YBX1: variants seen among roughly 807,000 people sequenced by gnomAD.
The protein encoded by YBX1 is Y-box binding protein 1, also known as Y-box-binding protein 1.
A neutral mutation model predicts 41.4 loss-of-function variants in YBX1; 3 were observed. The observed-to-expected ratio is 0.07, with a 90% confidence interval of 0.03 to 0.19. The LOEUF (loss-of-function observed/expected upper bound fraction) is 0.19, where lower values mean the gene tolerates loss of function less well. Ranked by LOEUF, YBX1 falls within the 10% of genes least tolerant of loss-of-function variation. The probability of loss-of-function intolerance (pLI) is 1.00; values close to 1 mark genes in which losing one functional copy is unlikely to be tolerated. For synonymous variants in YBX1, 133 were observed against 165.8 expected (o/e 0.80, Z 1.52); for missense variants, 274 against 462.8 (o/e 0.59, Z 3.74).
Position 42,696,624 on chromosome 1 carries a change from A to G in YBX1, c.355-18A>G, listed in dbSNP as rs1650466920. 1 of 1,491,096 alleles carries G rather than the reference A, an allele frequency of 6.7e-7. No homozygotes were observed. The highest frequency in any genetic ancestry group is 2.2e-5 in the Admixed American group (1 of 45,566). The allele number at this position is 1,491,096 out of a possible 1,614,324, so 92.4% of individuals were successfully genotyped here. A position where few individuals can be genotyped will look rare whatever the true frequency, so the allele number is the denominator to read the frequency against. Reference sequence around the variant, plus strand: ...TCTGATTTCCTTTGTCACTATCAATATGTAATGGCTTTTGTAGGGTGCGGA... The same window carrying G: ...TCTGATTTCCTTTGTCACTATCAATGTGTAATGGCTTTTGTAGGGTGCGGA... On this transcript the variant is annotated intron_variant, in intron 4 of 7. Transcript: ENST00000321358. This position sits in a 1 kb window ranked among gnomAD's most constrained non-coding sequence, Gnocchi z 5.7.
intron 1 of YBX1, chr1:42,683,148 C>T (rs12760030): frequency 3.9e-5 from 25 of 640,754 alleles, no homozygotes; most frequent in Non-Finnish European, 5.4e-5. Flanking sequence ...CTCACGTGCT[C>T]TCCGTCCGCG....
At chr1:42,685,202 A>G (rs1411103957) in intron 2 of YBX1, among the ~76,000 whole-genome samples, 1 of 152,242 alleles carries the variant, frequency 6.6e-6, no homozygotes, top group East Asian at 1.9e-4. Context: ...AGTTTTGTCC[A>G]GAATAAGAGT....
rs16829884 is a variant in YBX1, at chr1:42,698,064, C to T, written c.740+802C>T. ...TCTTAACTGATCACTTAAATCGCAA[C>T]TTTTAAATCCCCAAATTTTTAAGTG... On this transcript the variant is annotated intron_variant, in intron 6 of 7. Coordinates refer to ENST00000321358, the MANE Select transcript of YBX1 (RefSeq NM_004559.5). Among the ~76,000 whole-genome samples the T allele has an allele frequency of 4.0e-3, 610 of 152,266 alleles. 3 individuals carry two copies. The highest frequency in any genetic ancestry group is 0.014 in the African/African-American group (577 of 41,552).
In YBX1 at chr1:42,682,484, C is replaced by T. The variant is rs556721233; in HGVS notation, c.-82C>T. ...CCCAGAGAGCCCTGAGCAGCCCCAC[C>T]GCCGCCGCCGGCCTAGTTACCATCA... is the stretch of plus-strand genomic sequence containing the variant. On this transcript the variant is annotated 5_prime_UTR_variant, in exon 1 of 8. Coordinates refer to ENST00000321358, the MANE Select transcript of YBX1 (RefSeq NM_004559.5). The T allele has an allele frequency of 2.2e-6, 3 of 1,342,752 alleles. No individual in the cohort carries two copies. Among genetic ancestry groups the T allele is most frequent in the East Asian group, 3.2e-5 (1 of 31,202 alleles). The allele number at this position is 1,342,752 out of a possible 1,614,324, so 83.2% of individuals were successfully genotyped here.
rs573655234 is a variant in YBX1, at chr1:42,694,404, C to T, written c.264+881C>T. Reference sequence around the variant, plus strand: ...ATGAGTAGGAAAAAATATGTTTGTGCTATCAGTTTTCTCACTAAGGCTTTT... The same window carrying T: ...ATGAGTAGGAAAAAATATGTTTGTGTTATCAGTTTTCTCACTAAGGCTTTT... On this transcript the variant is annotated intron_variant, in intron 3 of 7. Coordinates refer to ENST00000321358, the MANE Select transcript of YBX1 (RefSeq NM_004559.5). Among the ~76,000 whole-genome samples, 10 of 124,514 alleles carry T rather than the reference C, an allele frequency of 8.0e-5. No individual in the cohort carries two copies. In the East Asian group the frequency reaches 2.2e-3, roughly 27 times the overall value. 81.7% of individuals were successfully genotyped at this position (124,514 alleles called of 152,430 possible). A position where few individuals can be genotyped will look rare whatever the true frequency, so the allele number is the denominator to read the frequency against.
intron 6 of YBX1, 45 bp from the exon 7 acceptor site, chr1:42,700,736 G>A (rs1331046523): frequency 6.5e-7 from 1 of 1,540,262 alleles, no homozygotes; most frequent in South Asian, 1.2e-5. Context: ...GTGTGTTGAA[G>A]AGAGAAGGTT....
intron 2 of YBX1, among the ~76,000 whole-genome samples, chr1:42,685,865 C>G (rs1047199438): frequency 1.1e-4 from 17 of 152,156 alleles, no homozygotes; most frequent in Non-Finnish European, 4.4e-5. Context: ...AGAATTAATT[C>G]ATGAAAGGGC....
Position 42,700,927 on chromosome 1 carries a change from A to G in YBX1, c.887A>G (p.Lys296Arg). ...CGACGCAGACGCCCAGAAAACCCTA[A>G]ACCACAAGATGGCAAAGAGACAAAA... is the stretch of plus-strand genomic sequence containing the variant. ...NYRRRRPENPKPQDGKETKAA... is the reference protein window; with the variant it reads ...NYRRRRPENPRPQDGKETKAA... The change falls in exon 7 of 8, where the codon AAA becomes AGA. Residue 296 changes from lysine (K) to arginine (R), a missense_variant. Lys to Arg is a conservative substitution (Grantham distance 26, BLOSUM62 2). Around this residue, in one of 3 missense-constraint regions of YBX1, gnomAD observed 187 missense variants for 306.3 expected, o/e 0.61. Coordinates refer to ENST00000321358, the MANE Select transcript of YBX1 (RefSeq NM_004559.5). 3.1e-6 allele frequency: 5 copies of G among 1,613,942 alleles called. No individual in the cohort carries two copies. Among genetic ancestry groups the G allele is most frequent in the Non-Finnish European group, 4.2e-6 (5 of 1,179,978 alleles).
At chr1:42,692,750 C>G (rs1198609987) in intron 2 of YBX1, among the ~76,000 whole-genome samples, 1 of 152,230 alleles carries the variant, frequency 6.6e-6, no homozygotes, top group Non-Finnish European at 1.5e-5. Flanking sequence ...AGTGGTGATT[C>G]TTGCTCCTCG....
intron 3 of YBX1, among the ~76,000 whole-genome samples, chr1:42,695,847 A>G (rs146096708): frequency 1.7e-3 from 255 of 152,346 alleles, no homozygotes; most frequent in Middle Eastern, 6.8e-3. Flanking sequence ...ACCTTCTCCT[A>G]TTAAGTGCAG....
intron 2 of YBX1, among the ~76,000 whole-genome samples, chr1:42,688,442 A>G (rs1206901035): frequency 1.5e-5 from 2 of 136,856 alleles, no homozygotes; most frequent in East Asian, 4.0e-4. Context: ...GAGAAATGTA[A>G]ACAAACATAA....
chr1:42,684,969 G>C (rs1378039523), intron 2 of YBX1, among the ~76,000 whole-genome samples: 2 of 152,122 alleles, frequency 1.3e-5, no homozygotes, highest in Non-Finnish European at 2.9e-5. Context: ...CATTAGGTCT[G>C]GGTACATTTT....
chr1:42,689,238 A>G (rs1331640236), intron 2 of YBX1, among the ~76,000 whole-genome samples: 1 of 152,048 alleles, frequency 6.6e-6, no homozygotes, highest in Non-Finnish European at 1.5e-5. Flanking sequence ...TTGGGTGTGA[A>G]GGGTGTTTAA....
In YBX1 at chr1:42,682,643, G is replaced by A. The variant is rs1650063636; in HGVS notation, c.78G>A (p.Lys26=). The stretch of plus-strand genomic sequence containing the variant: ...CCGCCCTCAGCGCCGCCGACACCAA[G>A]CCCGGCACTACGGGCAGCGGCGCAG... ...AAPALSAADT[K]PGTTGSGAGS... is the part of the protein sequence containing the mutation. Residue 26 remains lysine (K), a synonymous_variant, in exon 1 of 8, where the codon AAG becomes AAA. Transcript: ENST00000321358. 2.1e-5 allele frequency: 29 copies of A among 1,375,160 alleles called. No homozygotes were observed. The East Asian group carries it at 9.0e-4, about 43-fold the overall frequency. The allele number at this position is 1,375,160 out of a possible 1,614,324, so 85.2% of individuals were successfully genotyped here.
At chr1:42,689,472 G>A (rs919413740) in intron 2 of YBX1, among the ~76,000 whole-genome samples, 1 of 152,192 alleles carries the variant, frequency 6.6e-6, no homozygotes, top group Non-Finnish European at 1.5e-5. Context: ...AGAGCATTTA[G>A]TTACGGATAA....
At chr1:42,698,106 A>G (rs1650505397) in intron 6 of YBX1, among the ~76,000 whole-genome samples, 1 of 152,234 alleles carries the variant, frequency 6.6e-6, no homozygotes, top group Admixed American at 6.5e-5. Context: ...TTATTATTCT[A>G]GAAGTATCCA....
chr1:42,688,072 C>T (rs1362375414), intron 2 of YBX1, among the ~76,000 whole-genome samples: 1 of 152,096 alleles, frequency 6.6e-6, no homozygotes, highest in Non-Finnish European at 1.5e-5. Flanking sequence ...CATCCGTGTT[C>T]ACCAAGTCAC....
Position 42,703,749 on chromosome 1 carries a change from TGAAAC to T in YBX1, c.*1801_*1805del, listed in dbSNP as rs1348274511. ...CATCACAGAGTTGAAAAATCATAAA[TGAAAC>T]CATTGTAAGTTGACTGCAGTGTTGC... is the stretch of plus-strand genomic sequence containing the variant. On this transcript the variant is annotated 3_prime_UTR_variant, in exon 8 of 8. Transcript: ENST00000321358. Among the ~76,000 whole-genome samples, 2 of 152,160 alleles carry T rather than the reference TGAAAC, an allele frequency of 1.3e-5. No homozygotes were observed. Among genetic ancestry groups the T allele is most frequent in the African/African-American group, 4.8e-5 (2 of 41,446 alleles).
At position 42,696,522 on chromosome 1, in the gene YBX1, C is replaced by CGGGGGGGGGGGGGGGGGGGGGGGGGGG; in HGVS notation, c.355-120_355-119insGGGGGGGGGGGGGGGGGGGGGGGGGGG. 2 of 637,566 alleles carry CGGGGGGGGGGGGGGGGGGGGGGGGGGG rather than the reference C, an allele frequency of 3.1e-6. No individual in the cohort carries two copies. Among genetic ancestry groups the CGGGGGGGGGGGGGGGGGGGGGGGGGGG allele is most frequent in the East Asian group, 3.8e-5 (1 of 26,248 alleles). 39.5% of individuals were successfully genotyped at this position (637,566 alleles called of 1,614,324 possible). A position where few individuals can be genotyped will look rare whatever the true frequency, so the allele number is the denominator to read the frequency against. Reference sequence around the variant, plus strand: ...GGTCACGCAGTTGCGCCCCCCCCCCCTTTTTTTTCCTTAACTTTGTTGTTT... The same window carrying CGGGGGGGGGGGGGGGGGGGGGGGGGGG: ...GGTCACGCAGTTGCGCCCCCCCCCCCGGGGGGGGGGGGGGGGGGGGGGGGGGGTTTTTTTTCCTTAACTTTGTTGTTT... On this transcript the variant is annotated intron_variant, in intron 4 of 7. Transcript: ENST00000321358. The surrounding 1 kb of genome is among the most constrained non-coding windows in gnomAD (Gnocchi z 5.7).
Sources: allele counts gnomAD v4.1 joint callset (sites outside exome capture counted in the v4.1 genomes callset), GRCh38; gene constraint gnomAD v4.1.1; regional missense constraint gnomAD v4.1.1; non-coding constraint Gnocchi (gnomAD v3.1); transcripts MANE v1.5; gene names NCBI Gene and HGNC (gene_info 2026-07-23, HGNC 2026-07-21).